Variants in CD163L1 observed in about 807,000 individuals in gnomAD.
The protein encoded by CD163L1 is CD163 molecule like 1.
A neutral mutation model predicts 165.4 loss-of-function variants in CD163L1; 124 were observed. The observed-to-expected ratio is 0.75, with a 90% CI of 0.65 to 0.87. The LOEUF is 0.87. Ranked by LOEUF, CD163L1 falls within the 40% of genes least tolerant of loss-of-function variation. CD163L1 has a pLI of 0.00. For synonymous variants in CD163L1, 585 were observed against 662.2 expected, an observed-to-expected ratio of 0.88 and a Z score of 1.79; for missense variants, 1,525 against 1,799.9, an observed-to-expected ratio of 0.85 and a Z score of 2.76.
At chr12:7,385,401 T>C (rs1230540498) in intron 8 of CD163L1, among the ~76,000 whole-genome samples, 2 of 151,944 alleles carry the variant, frequency 1.3e-5, no homozygotes, top group African/African-American at 2.4e-5. Context: ...GTGACTCAAT[T>C]ACAATAATAG....
chr12:7,440,102 A>C (rs1383283169), intron 2 of CD163L1: 7 of 843,718 alleles, frequency 8.3e-6, no homozygotes, highest in Admixed American at 2.1e-5. Flanking sequence ...AAGCCGACCA[A>C]TGGCGGGCTT....
chr12:7,365,330 G>A (rs910042999), intron 18 of CD163L1, among the ~76,000 whole-genome samples: 2 of 151,974 alleles, frequency 1.3e-5, no homozygotes, highest in Admixed American at 1.3e-4. Context: ...AAAACACTGG[G>A]AAACACTCCA....
the CD163L1 span, among the ~76,000 whole-genome samples, chr12:7,337,348 A>G: frequency 6.6e-6 from 1 of 152,352 alleles, no homozygotes; most frequent in East Asian, 1.9e-4. Context: ...GAGCTTTTGC[A>G]CAGCAAAAGA....
chr12:7,367,989 T>C (rs1947057256), intron 17 of CD163L1, 98 bp downstream of exon 17: 1 of 730,908 alleles, frequency 1.4e-6, no homozygotes, highest in Non-Finnish European at 2.5e-6. Flanking sequence ...TCACTCAAAG[T>C]GGCAAGTGCA....
chr12:7,418,419 T>C (rs1948287526), intron 4 of CD163L1, among the ~76,000 whole-genome samples: 1 of 152,024 alleles, frequency 6.6e-6, no homozygotes, highest in Non-Finnish European at 1.5e-5. Flanking sequence ...CTTAAATGCC[T>C]GCATCAGAAG....
chr12:7,355,367 T>C (rs1946753907), intron 19 of CD163L1, among the ~76,000 whole-genome samples: 1 of 152,136 alleles, frequency 6.6e-6, no homozygotes, highest in African/African-American at 2.4e-5. Flanking sequence ...ATTCTGAGTC[T>C]CAGAATGTAA....
downstream of CD163L1, among the ~76,000 whole-genome samples, chr12:7,352,520 A>G (rs1409626464): frequency 6.6e-6 from 1 of 152,156 alleles, no homozygotes; most frequent in Non-Finnish European, 1.5e-5. Flanking sequence ...GAAATTTGAA[A>G]CAAGGGCAGA....
chr12:7,430,693 G>A (rs1324064448), intron 4 of CD163L1, among the ~76,000 whole-genome samples: 1 of 152,090 alleles, frequency 6.6e-6, no homozygotes, highest in Non-Finnish European at 1.5e-5. Flanking sequence ...ATATGAATAG[G>A]ATATGTTTAT....
At chr12:7,426,507 G>T (rs780260884) in intron 4 of CD163L1, among the ~76,000 whole-genome samples, 1 of 152,080 alleles carries the variant, frequency 6.6e-6, no homozygotes, top group East Asian at 1.9e-4. Context: ...TGGGAGAAAG[G>T]GTGGGAGGTG....
At position 7,368,227 on chromosome 12, in the gene CD163L1, T is replaced by TA. The variant is rs1201046884; in HGVS notation, c.4073-31dup. 8.0e-7 allele frequency: 1 copy of TA among 1,246,442 alleles called. No individual in the cohort carries two copies. The highest frequency in any genetic ancestry group is 1.5e-5 in the African/African-American group (1 of 66,598). The allele number at this position is 1,246,442 out of a possible 1,614,324, so 77.2% of individuals were successfully genotyped here. A position where few individuals can be genotyped will look rare whatever the true frequency, so the allele number is the denominator to read the frequency against. On this transcript the variant is annotated intron_variant, in intron 16 of 19. Coordinates refer to ENST00000313599, the MANE Select transcript of CD163L1 (RefSeq NM_174941.6). This position sits in a 1 kb window ranked among gnomAD's most constrained non-coding sequence, Gnocchi z 4.3. Reference sequence around the variant, plus strand: ...ATAGAAATTAAGCATTGATAAGTATTAAACTAGTAGATATCAATTGTGGGT... The same window carrying TA: ...ATAGAAATTAAGCATTGATAAGTATTAAAACTAGTAGATATCAATTGTGGGT...
intron 8 of CD163L1, among the ~76,000 whole-genome samples, chr12:7,392,382 C>G (rs1309692619): frequency 6.6e-6 from 1 of 151,886 alleles, no homozygotes; most frequent in African/African-American, 2.4e-5. Flanking sequence ...CCAACGAGAA[C>G]AAAAACACAA....
At chr12:7,422,934 A>C (rs1258856652) in intron 4 of CD163L1, among the ~76,000 whole-genome samples, 3 of 151,970 alleles carry the variant, frequency 2.0e-5, no homozygotes, top group Non-Finnish European at 2.9e-5. Flanking sequence ...ACAGAAATTT[A>C]ACAAGGATAT....
At position 7,403,569 on chromosome 12, in the gene CD163L1, G is replaced by A; in HGVS notation, c.1374C>T (p.Cys458=). 1 of 1,613,804 alleles carries A rather than the reference G, an allele frequency of 6.2e-7. No individual in the cohort carries two copies. The highest frequency in any genetic ancestry group is 2.2e-5 in the East Asian group (1 of 44,882). The change falls in exon 6 of 20, where the codon TGC becomes TGT. Residue 458 remains cysteine (C), a synonymous_variant. Transcript: ENST00000313599. ...TTACTCCAGCATCTGATCTTCGGAA[G>A]CATGTTCGCTTTGCTTTTCCATCAT... ...CTYDGKAKRT[C]FRRSDAGVIC...
At chr12:7,421,078 T>C (rs1196904162) in intron 4 of CD163L1, among the ~76,000 whole-genome samples, 79 of 118,126 alleles carry the variant, frequency 6.7e-4, no homozygotes, top group Non-Finnish European at 1.2e-3. Context: ...TATATACGTA[T>C]ATATATACGT....
chr12:7,358,729 CAG>C lies in CD163L1; in HGVS notation c.4280-1245_4280-1244del, dbSNP rs1357904053. Among the ~76,000 whole-genome samples, 5 of 152,072 alleles carry C rather than the reference CAG, an allele frequency of 3.3e-5. No homozygotes were observed. The East Asian group carries it at 9.7e-4, about 29-fold the overall frequency. On this transcript the variant is annotated intron_variant, in intron 18 of 19. Coordinates refer to ENST00000313599, the MANE Select transcript of CD163L1 (RefSeq NM_174941.6). ...ACAAGGCACACTGAAAGACAAAAAA[CAG>C]AGTCTGAAGAGACAGCAAGCATCAG...
rs571554847 is a variant in CD163L1, at chr12:7,381,695, G to A, written c.2051-2397C>T. Among the ~76,000 whole-genome samples, 53 of 152,224 alleles carry A rather than the reference G, an allele frequency of 3.5e-4. 1 individual carries two copies. Among genetic ancestry groups the A allele is most frequent in the African/African-American group, 1.0e-3 (42 of 41,552 alleles). ...TTTAGAGAGCTATAATTTTGTGTGT[G>A]GTGGTGGGGAGGGTGGGGAGAATAA... is the stretch of plus-strand genomic sequence containing the variant. On this transcript the variant is annotated intron_variant, in intron 8 of 19. Coordinates refer to ENST00000313599, the MANE Select transcript of CD163L1 (RefSeq NM_174941.6).
chr12:7,380,277 GTGTGTGT>G (rs1947356630), intron 8 of CD163L1, among the ~76,000 whole-genome samples: 1 of 248 alleles, frequency 4.0e-3, no homozygotes, highest in South Asian at 0.12. Context: ...AAACTGTGGT[GTGTGTGT>G]GTGTGTGTGT....
the CD163L1 span, among the ~76,000 whole-genome samples, chr12:7,336,301 A>G: frequency 2.0e-5 from 3 of 150,436 alleles, no homozygotes; most frequent in African/African-American, 7.4e-5. Context: ...AATGTGGCAC[A>G]TATACACCAT....
intron 4 of CD163L1, among the ~76,000 whole-genome samples, chr12:7,422,751 ATGTGTGTGTG>A (rs72061380): frequency 4.2e-5 from 6 of 143,894 alleles, no homozygotes; most frequent in Non-Finnish European, 6.1e-5. Context: ...ATATATACAT[ATGTGTGTGTG>A]TGTGTGTGTG....
Sources: allele counts gnomAD v4.1 joint callset (sites outside exome capture counted in the v4.1 genomes callset), GRCh38; gene constraint gnomAD v4.1.1; non-coding constraint Gnocchi (gnomAD v3.1); transcripts MANE v1.5; gene names NCBI Gene and HGNC (gene_info 2026-07-23, HGNC 2026-07-21).